The following SRPRB variants were observed in gnomAD, a reference collection of about 807,000 sequenced individuals.
The protein encoded by SRPRB is signal recognition particle receptor subunit beta.
Under a neutral mutation model 31.9 loss-of-function variants are expected in SRPRB, and 20 were observed. The observed-to-expected ratio is 0.63, with a 90% confidence interval of 0.44 to 0.91. The LOEUF (loss-of-function observed/expected upper bound fraction) is 0.91, where lower values mean the gene tolerates loss of function less well. Ranked by LOEUF, SRPRB falls within the 40% of genes least tolerant of loss-of-function variation. The pLI, the probability that SRPRB is intolerant of heterozygous loss-of-function variation, is 0.00. For synonymous variants in SRPRB, 146 were observed against 132.8 expected (o/e 1.10, Z -0.68); for missense variants, 321 against 324.9 (o/e 0.99, Z 0.09).
intron 4 of SRPRB, among the ~76,000 whole-genome samples, chr3:133,811,558 C>A (rs1935262192): frequency 6.6e-6 from 1 of 150,630 alleles, no homozygotes. Flanking sequence ...TTTTAAATGC[C>A]AACATCATTT....
At chr3:133,787,619 C>A (rs952740461) in intron 1 of SRPRB, 4 of 152,142 alleles carry the variant, frequency 2.6e-5, no homozygotes, top group Admixed American at 2.6e-4. Flanking sequence ...ATTGTTAAAT[C>A]ACCTCTGTGA....
intron 1 of SRPRB, among the ~76,000 whole-genome samples, chr3:133,806,268 C>T (rs1935156292): frequency 6.6e-6 from 1 of 152,224 alleles, no homozygotes; most frequent in South Asian, 2.1e-4. Flanking sequence ...TACGCTTGAG[C>T]GCGCTGTTCC....
At chr3:133,785,733 CG>C (rs1392572646) in intron 1 of SRPRB, 1 of 64,228 alleles carries the variant, frequency 1.6e-5, no homozygotes, top group African/African-American at 5.9e-5. Context: ...TCATTGAGAA[CG>C]GGCCAGGATG....
At chr3:133,796,027 G>A (rs1559886884) in intron 1 of SRPRB, 1 of 152,332 alleles carries the variant, frequency 6.6e-6, no homozygotes, top group African/African-American at 2.4e-5. Flanking sequence ...CAGACCACAG[G>A]CCAGGTTTTG....
chr3:133,811,944 T>G (rs755483785), intron 4 of SRPRB, among the ~76,000 whole-genome samples: 2 of 152,104 alleles, frequency 1.3e-5, no homozygotes, highest in Non-Finnish European at 2.9e-5. Context: ...TATTTCCATA[T>G]TTCTTTTAGT....
chr3:133,805,749 G>T, upstream of SRPRB: 1 of 1,467,964 alleles, frequency 6.8e-7, no homozygotes, highest in South Asian at 1.4e-5. Flanking sequence ...GAGAGACTAT[G>T]GCTTAGGAAC....
At chr3:133,827,139 T>C (rs1559896617), downstream of SRPRB, 2 of 152,438 alleles carry the variant, frequency 1.3e-5, no homozygotes, top group Non-Finnish European at 2.9e-5. Context: ...TGCACAAATA[T>C]CAGTCCTGCC....
In SRPRB at chr3:133,819,751, G is replaced by A. The variant is rs776681195; in HGVS notation, c.801G>A (p.Leu267=). ...ACATCCAGGACTTGGAGAAATGGCT[G>A]GCTAAAATTGCCTGAGAGGCAGCTC... ...SADIQDLEKW[L]AKIA The change falls in exon 7 of 7, where the codon CTG becomes CTA. Residue 267 remains leucine, a synonymous_variant. Transcript: ENST00000678299. 1.2e-6 allele frequency: 2 copies of A among 1,614,070 alleles called. No individual in the cohort carries two copies. Among genetic ancestry groups the A allele is most frequent in the Non-Finnish European group, 1.7e-6 (2 of 1,180,018 alleles).
chr3:133,804,012 C>T (rs556642465), upstream of SRPRB, among the ~76,000 whole-genome samples: 481 of 136,850 alleles, frequency 3.5e-3, 2 homozygotes, highest in African/African-American at 0.012. Context: ...AGGAGAATGG[C>T]GTGAACCCGG....
At chr3:133,828,361 G>A (rs945229915), downstream of SRPRB, 3 of 357,298 alleles carry the variant, frequency 8.4e-6, no homozygotes, top group Non-Finnish European at 1.5e-5. Context: ...GAGGAAGGCA[G>A]AGGTGATGAA....
upstream of SRPRB, among the ~76,000 whole-genome samples, chr3:133,804,646 T>C (rs1457659320): frequency 6.6e-6 from 1 of 152,126 alleles, no homozygotes; most frequent in Non-Finnish European, 1.5e-5. Context: ...TTGCAGTCTT[T>C]TGTGACAGTT....
At chr3:133,797,431 T>G (rs1446332150) in intron 1 of SRPRB, among the ~76,000 whole-genome samples, 1 of 152,230 alleles carries the variant, frequency 6.6e-6, no homozygotes, top group Non-Finnish European at 1.5e-5. Context: ...ATTTATTCAA[T>G]GCTACTGTGT....
At chr3:133,813,605 G>A (rs936750885) in intron 4 of SRPRB, among the ~76,000 whole-genome samples, 3 of 152,000 alleles carry the variant, frequency 2.0e-5, no homozygotes, top group Non-Finnish European at 4.4e-5. Context: ...GTAGTTTGTA[G>A]TATTTTCTTA....
upstream of SRPRB, chr3:133,805,654 G>A (rs986187043): frequency 3.6e-6 from 2 of 553,088 alleles, no homozygotes; most frequent in Non-Finnish European, 5.9e-6. Context: ...CAAATAACCT[G>A]TCTGCCCCTA....
intron 3 of SRPRB, among the ~76,000 whole-genome samples, chr3:133,810,084 G>T (rs1935231984): frequency 6.6e-6 from 1 of 151,980 alleles, no homozygotes; most frequent in Non-Finnish European, 1.5e-5. Flanking sequence ...ATTGCTTAGG[G>T]TGTGTGGTAT....
downstream of SRPRB, among the ~76,000 whole-genome samples, chr3:133,823,241 T>G (rs1431468236): frequency 1.3e-5 from 2 of 152,202 alleles, no homozygotes; most frequent in Non-Finnish European, 2.9e-5. Context: ...TTCTGTTGAC[T>G]TGAATATATT....
upstream of SRPRB, among the ~76,000 whole-genome samples, chr3:133,803,660 C>CT (rs111599503): frequency 9.5e-4 from 138 of 145,896 alleles, 1 homozygote; most frequent in African/African-American, 2.6e-3. Context: ...GTCCCAGTTC[C>CT]TTTTTTTTTT....
chr3:133,808,160 A>G (rs1935196734), intron 3 of SRPRB, among the ~76,000 whole-genome samples: 2 of 152,210 alleles, frequency 1.3e-5, no homozygotes, highest in African/African-American at 4.8e-5. Context: ...TGCACATGGG[A>G]CAAAAATTCA....
At chr3:133,822,193 T>C (rs746446137), downstream of SRPRB, among the ~76,000 whole-genome samples, 8 of 152,148 alleles carry the variant, frequency 5.3e-5, no homozygotes, top group Non-Finnish European at 8.8e-5. Flanking sequence ...CTGTATGACA[T>C]AGATGAGACT....
Sources: gnomAD v4.1 joint callset for allele counts (sites outside exome capture counted in the v4.1 genomes callset) on GRCh38, gnomAD v4.1.1 for gene constraint, MANE v1.5 for transcripts, NCBI Gene and HGNC (gene_info 2026-07-23, HGNC 2026-07-21) for gene names.